The following C1QTNF2 variants were observed in gnomAD, a reference collection of about 807,000 sequenced individuals.
The protein encoded by C1QTNF2 is C1q and TNF related 2.
In C1QTNF2, 15 loss-of-function variants were observed where a neutral mutation model predicts 17.4. The ratio of observed to expected loss-of-function variants is 0.86; its 90% CI spans 0.58 to 1.33. C1QTNF2 has a LOEUF of 1.33. Ranked by LOEUF, C1QTNF2 falls within the 40% of genes most tolerant of loss-of-function variation. The pLI is 0.00. For synonymous variants in C1QTNF2, 154 were observed against 163.3 expected, an observed-to-expected ratio of 0.94 and a Z score of 0.44; for missense variants, 381 against 392.3, an observed-to-expected ratio of 0.97 and a Z score of 0.24.
chr5:160,369,177 T>G (rs1764302480), intron 1 of C1QTNF2, among the ~76,000 whole-genome samples: 1 of 151,530 alleles, frequency 6.6e-6, no homozygotes, highest in Admixed American at 6.6e-5. Flanking sequence ...TGGGAGGGGG[T>G]GTGTGGGCTT....
chr5:160,370,475 T>TAAAG, intron 1 of C1QTNF2, 37 bp downstream of exon 1: 1 of 1,396,566 alleles, frequency 7.2e-7, no homozygotes, highest in Middle Eastern at 2.3e-4. Context: ...CCGCGCGCAC[T>TAAAG]TGCCGCCCCC....
intron 1 of C1QTNF2, among the ~76,000 whole-genome samples, chr5:160,358,466 A>AT (rs56714813): frequency 2.9e-4 from 44 of 149,916 alleles, no homozygotes; most frequent in African/African-American, 7.4e-4. Context: ...CCTTTCTTTA[A>AT]TTTTTTTTTT....
intron 1 of C1QTNF2, among the ~76,000 whole-genome samples, chr5:160,366,794 C>A (rs1455275043): frequency 6.7e-6 from 1 of 150,076 alleles, no homozygotes; most frequent in Non-Finnish European, 1.5e-5. Context: ...GAGGCCAAAG[C>A]AGGTGGAGTG....
intron 1 of C1QTNF2, 67 bp from the exon 2 acceptor site, chr5:160,355,087 G>A: frequency 6.9e-7 from 1 of 1,459,214 alleles, no homozygotes; most frequent in Non-Finnish European, 9.1e-7. Context: ...CTGGTCAGAG[G>A]GGATGCACAG....
chr5:160,369,434 G>C lies in C1QTNF2; in HGVS notation c.-10+1078C>G, dbSNP rs577490836. On this transcript the variant is annotated intron_variant, in intron 1 of 2. Coordinates refer to ENST00000652664, the MANE Select transcript of C1QTNF2 (RefSeq NM_031908.6). ...GAAATGTGTGGAGAGTTTGAGGATCGGGCAGTTGAAAGCAGGAGTAATTGA... is the reference window on the plus strand; with the variant it reads ...GAAATGTGTGGAGAGTTTGAGGATCCGGCAGTTGAAAGCAGGAGTAATTGA... Among the ~76,000 whole-genome samples, 26 of 152,222 alleles carry C rather than the reference G, an allele frequency of 1.7e-4. No homozygotes were observed. In the East Asian group the frequency reaches 3.3e-3, roughly 19 times the overall value.
intron 1 of C1QTNF2, among the ~76,000 whole-genome samples, chr5:160,369,694 T>C (rs1298645040): frequency 4.6e-5 from 7 of 152,120 alleles, no homozygotes; most frequent in Admixed American, 4.6e-4. Context: ...GGCAATTTTG[T>C]GGTCAAGGAG....
At chr5:160,359,014 G>A (rs1486783804) in intron 1 of C1QTNF2, among the ~76,000 whole-genome samples, 2 of 152,056 alleles carry the variant, frequency 1.3e-5, no homozygotes, top group East Asian at 1.9e-4. Context: ...CCAGTCCAGC[G>A]ATCTACCCGT....
At chr5:160,356,138 T>C (rs1460659505) in intron 1 of C1QTNF2, among the ~76,000 whole-genome samples, 3 of 152,242 alleles carry the variant, frequency 2.0e-5, no homozygotes, top group Non-Finnish European at 4.4e-5. Context: ...AATAAGCAAC[T>C]TGCCCAAGAT....
chr5:160,356,193 T>C (rs1467757105), intron 1 of C1QTNF2, among the ~76,000 whole-genome samples: 1 of 152,218 alleles, frequency 6.6e-6, no homozygotes. Flanking sequence ...ACAGCCTCTC[T>C]CTCAAGAATG....
chr5:160,352,802 CT>C (rs1763951613), intron 2 of C1QTNF2, among the ~76,000 whole-genome samples: 1 of 152,176 alleles, frequency 6.6e-6, no homozygotes, highest in Admixed American at 6.5e-5. Flanking sequence ...GAGGAGGTAC[CT>C]TTGAAGGAAT....
intron 1 of C1QTNF2, among the ~76,000 whole-genome samples, chr5:160,357,375 G>A (rs1433813297): frequency 6.6e-6 from 1 of 152,210 alleles, no homozygotes; most frequent in Non-Finnish European, 1.5e-5. Flanking sequence ...TATTTCTGAT[G>A]TCACACTTGC....
At chr5:160,358,351 C>T (rs1472578617) in intron 1 of C1QTNF2, among the ~76,000 whole-genome samples, 1 of 152,174 alleles carries the variant, frequency 6.6e-6, no homozygotes, top group Non-Finnish European at 1.5e-5. Flanking sequence ...CCTGCCCCAC[C>T]CTCACCCCAC....
rs372440519 is a variant in C1QTNF2 at position 160,350,789 on chromosome 5, C to T, written c.245-1008G>A. 1.1e-4 allele frequency among the ~76,000 whole-genome samples: 16 copies of T among 146,832 alleles called. No homozygotes were observed. In the East Asian group the frequency reaches 1.2e-3, roughly 11 times the overall value. Reference sequence around the variant, plus strand: ...TTTTTGAGACGGAATCTTGCTCTGTCGCCCAGGCTGGAGCACAGTGGCGCG... The same window carrying T: ...TTTTTGAGACGGAATCTTGCTCTGTTGCCCAGGCTGGAGCACAGTGGCGCG... On this transcript the variant is annotated intron_variant, in intron 2 of 2. Transcript: ENST00000652664.
Position 160,349,079 on chromosome 5 carries a change from C to T in C1QTNF2, c.*89G>A, listed in dbSNP as rs1763855214. On this transcript the variant is annotated 3_prime_UTR_variant, in exon 3 of 3. Coordinates refer to ENST00000652664, the MANE Select transcript of C1QTNF2 (RefSeq NM_031908.6). This position sits in a 1 kb window ranked among gnomAD's most constrained non-coding sequence, Gnocchi z 4.3. ...TGAGGCTAGAACCGCTCACTCGACC[C>T]CCCACCCCCAGCCTACAGTTGTGGG... 4.7e-6 allele frequency: 7 copies of T among 1,498,882 alleles called. No individual in the cohort carries two copies. Among genetic ancestry groups the T allele is most frequent in the African/African-American group, 1.4e-5 (1 of 71,558 alleles). 92.8% of individuals were successfully genotyped at this position (1,498,882 alleles called of 1,614,324 possible).
chr5:160,355,216 G>A (rs1404841700), intron 1 of C1QTNF2, 196 bp from the exon 2 acceptor site: 2 of 984,878 alleles, frequency 2.0e-6, no homozygotes, highest in Non-Finnish European at 2.4e-6. Flanking sequence ...TTGGGTGAGT[G>A]GAGTCATTAC....
chr5:160,354,707 C>A, intron 2 of C1QTNF2, 61 bp downstream of exon 2: 1 of 1,598,040 alleles, frequency 6.3e-7, no homozygotes, highest in Non-Finnish European at 8.5e-7. Context: ...TCATGATGCC[C>A]CCCACATGCC....
chr5:160,354,636 A>ATATATATATG (rs1764004501), intron 2 of C1QTNF2, 132 bp downstream of exon 2: 1 of 488,156 alleles, frequency 2.0e-6, no homozygotes, highest in African/African-American at 2.3e-5. Flanking sequence ...ATATATATAG[A>ATATATATATG]TTTATAAGTA....
At chr5:160,354,252 A>G (rs2113509878) in intron 2 of C1QTNF2, among the ~76,000 whole-genome samples, 2 of 152,254 alleles carry the variant, frequency 1.3e-5, no homozygotes, top group East Asian at 3.9e-4. Flanking sequence ...GGGCAGGAAC[A>G]CAAAATTCAA....
intron 1 of C1QTNF2, among the ~76,000 whole-genome samples, chr5:160,363,631 T>C (rs1764194102): frequency 6.6e-6 from 1 of 152,232 alleles, no homozygotes; most frequent in Non-Finnish European, 1.5e-5. Flanking sequence ...GCCCAGCCTT[T>C]ACAAAATGAC....
Sources: allele counts gnomAD v4.1 joint callset (sites outside exome capture counted in the v4.1 genomes callset), GRCh38; gene constraint gnomAD v4.1.1; non-coding constraint Gnocchi (gnomAD v3.1); transcripts MANE v1.5; gene names NCBI Gene and HGNC (gene_info 2026-07-23, HGNC 2026-07-21).